The following MTR variants were observed in gnomAD, a reference collection of about 807,000 sequenced individuals.
MTR encodes 5-methyltetrahydrofolate-homocysteine methyltransferase, also known as methionine synthase.
In MTR, 84 loss-of-function variants were observed where a neutral mutation model predicts 154.8. The ratio of observed to expected loss-of-function variants is 0.54; its 90% CI spans 0.45 to 0.65. The LOEUF (loss-of-function observed/expected upper bound fraction) is 0.65, where lower values mean the gene tolerates loss of function less well. Ranked by LOEUF, MTR falls within the 30% of genes least tolerant of loss-of-function variation. The pLI, the probability that MTR is intolerant of heterozygous loss-of-function variation, is 0.00. For synonymous variants in MTR, 554 were observed against 553.9 expected (o/e 1.00, Z 0.00); for missense variants, 1,275 against 1,570.2 (o/e 0.81, Z 3.18).
intron 1 of MTR, among the ~76,000 whole-genome samples, chr1:236,796,355 G>A (rs762978331): frequency 6.6e-5 from 10 of 152,166 alleles, no homozygotes; most frequent in Non-Finnish European, 1.3e-4. Context: ...GTGAGAAAAA[G>A]CTAGTTTAGC....
At chr1:236,863,644 AGGGCAT>A in intron 22 of MTR, 90 bp downstream of exon 22, 2 of 1,131,534 alleles carry the variant, frequency 1.8e-6, no homozygotes, top group Non-Finnish European at 2.6e-6. Context: ...TGGGAAGAGT[AGGGCAT>A]GGCAGTGGAT....
At chr1:236,861,485 T>C (rs948918381) in intron 20 of MTR, among the ~76,000 whole-genome samples, 8 of 152,174 alleles carry the variant, frequency 5.3e-5, no homozygotes, top group African/African-American at 1.9e-4. Flanking sequence ...CGAAAATTCT[T>C]AGCATCATAA....
At position 236,900,590 on chromosome 1, in the gene MTR, G is replaced by T. The variant is rs1328988085; in HGVS notation, c.*2946G>T. 1 of 152,052 alleles carries T rather than the reference G, an allele frequency of 6.6e-6. No individual in the cohort carries two copies. Among genetic ancestry groups the T allele is most frequent in the East Asian group, 1.9e-4 (1 of 5,198 alleles). The allele number at this position is 152,052 out of a possible 1,614,324, so 9.4% of individuals were successfully genotyped here. ...AATACATTATACTTTATAACTAATA[G>T]ATAACAGTTTTTTACATATTAAATA... On this transcript the variant is annotated 3_prime_UTR_variant, in exon 33 of 33. Transcript: ENST00000366577.
rs1312876911 is a variant in MTR at position 236,863,501 on chromosome 1, G to A, written c.2352G>A (p.Val784=). 6.2e-7 allele frequency: 1 copy of A among 1,614,048 alleles called. No homozygotes were observed. The highest frequency in any genetic ancestry group is 1.1e-5 in the South Asian group (1 of 91,088). Reference sequence around the variant, plus strand: ...TGCTGGCCACTGTTAAAGGCGACGTGCACGACATAGGCAAGAACATAGTTG... The same window carrying A: ...TGCTGGCCACTGTTAAAGGCGACGTACACGACATAGGCAAGAACATAGTTG... ...TIVLATVKGD[V]HDIGKNIVGV... is the part of the protein sequence containing the mutation. The change falls in exon 22 of 33, where the codon GTG becomes GTA. Residue 784 remains valine (V), a synonymous_variant. Coordinates refer to ENST00000366577, the MANE Select transcript of MTR (RefSeq NM_000254.3).
At position 236,862,374 on chromosome 1, in the gene MTR, T is replaced by G. The variant is rs184887812; in HGVS notation, c.2304+31T>G. ...TCATTTTGTTCAGGCCTATGGGCCT[T>G]TAGTGGGTTGACCTGGAAGACTTGA... On this transcript the variant is annotated intron_variant, in intron 21 of 32. Transcript: ENST00000366577. The G allele has an allele frequency of 6.6e-4, 1,037 of 1,567,778 alleles. 12 individuals are homozygous for G. The African/African-American group carries it at 0.013, about 19-fold the overall frequency.
chr1:236,872,427 C>G (rs923447241), intron 22 of MTR, among the ~76,000 whole-genome samples: 3 of 152,170 alleles, frequency 2.0e-5, no homozygotes, highest in Non-Finnish European at 4.4e-5. Flanking sequence ...CCTGACAGCT[C>G]TTCGTGTGCA....
In MTR at chr1:236,861,117, T is replaced by G; in HGVS notation, c.2044-8T>G. The G allele has an allele frequency of 3.2e-6, 5 of 1,550,950 alleles. No individual in the cohort carries two copies. Among genetic ancestry groups the G allele is most frequent in the Non-Finnish European group, 4.3e-6 (5 of 1,153,454 alleles). On this transcript the variant is annotated splice_polypyrimidine_tract_variant and splice_region_variant and intron_variant, in intron 19 of 32. Transcript: ENST00000366577. ...TTTTTCTTTTTTTTTTTTTTTTGTC[T>G]TTTTTAGGGCATTGAAAAACATATT...
rs2792274 is a variant in MTR at position 236,867,856 on chromosome 1, T to C, written c.2405+4302T>C. On this transcript the variant is annotated intron_variant, in intron 22 of 32. Transcript: ENST00000366577. The stretch of plus-strand genomic sequence containing the variant: ...GGAATGAATTGCTACAATCTCGTAA[T>C]ACAACTTCAACAGATGAGGAATTGC... 3.8e-3 allele frequency among the ~76,000 whole-genome samples: 578 copies of C among 152,314 alleles called. 4 individuals are homozygous for C. Among genetic ancestry groups the C allele is most frequent in the Non-Finnish European group, 5.8e-3 (395 of 68,014 alleles).
At chr1:236,890,727 G>A (rs569151233) in intron 28 of MTR, among the ~76,000 whole-genome samples, 5 of 152,182 alleles carry the variant, frequency 3.3e-5, no homozygotes, top group African/African-American at 9.7e-5. Context: ...AAAGCACCAC[G>A]GAATACGAGG....
rs2275564 is a variant in MTR, at chr1:236,896,761, G to A, written c.3599-245G>A. Among the ~76,000 whole-genome samples, 6,365 of 152,204 alleles carry A rather than the reference G, an allele frequency of 0.042. 411 individuals are homozygous for A. The highest frequency in any genetic ancestry group is 0.2 in the East Asian group (1,054 of 5,158). On this transcript the variant is annotated intron_variant, in intron 31 of 32. Coordinates refer to ENST00000366577, the MANE Select transcript of MTR (RefSeq NM_000254.3). Reference sequence around the variant, plus strand: ...GGATGGCTGGAGGTGGGAGTGTAGAGTCTTTCCCAGGCCTGTCCCCCTGGG... The same window carrying A: ...GGATGGCTGGAGGTGGGAGTGTAGAATCTTTCCCAGGCCTGTCCCCCTGGG...
At position 236,879,092 on chromosome 1, in the gene MTR, A is replaced by G. The variant is rs1309974389; in HGVS notation, c.2595-1663A>G. ...TGAGAAGCCTGTTAAAAACACACTC[A>G]TGCATATATTACACCTATAACAGTC... On this transcript the variant is annotated intron_variant, in intron 24 of 32. Transcript: ENST00000366577. 3.3e-5 allele frequency among the ~76,000 whole-genome samples: 5 copies of G among 152,248 alleles called. No homozygotes were observed. In the East Asian group the frequency reaches 9.6e-4, roughly 29 times the overall value.
intron 25 of MTR, among the ~76,000 whole-genome samples, chr1:236,881,780 T>C (rs1665750494): frequency 6.6e-6 from 1 of 152,080 alleles, no homozygotes; most frequent in African/African-American, 2.4e-5. Context: ...ACTAACATTA[T>C]TGAAAATGTG....
intron 14 of MTR, among the ~76,000 whole-genome samples, chr1:236,836,124 G>A (rs1237230537): frequency 6.6e-6 from 1 of 152,206 alleles, no homozygotes; most frequent in East Asian, 1.9e-4. Context: ...AAGAGATTAT[G>A]TCAGCTTTTA....
At chr1:236,815,485 A>G in intron 6 of MTR, 119 bp from the exon 7 acceptor site, 1 of 956,220 alleles carries the variant, frequency 1.0e-6, no homozygotes, top group Non-Finnish European at 1.7e-6. Context: ...CTTCCCAGAG[A>G]GCTTGATGTA....
At chr1:236,810,662 A>G in intron 5 of MTR, 67 bp downstream of exon 5, 2 of 1,318,860 alleles carry the variant, frequency 1.5e-6, no homozygotes, top group East Asian at 2.3e-5. Context: ...TAAGCTATAA[A>G]TCTGTAAAAT....
rs774998091 is a variant in MTR at position 236,861,203 on chromosome 1, A to G, written c.2122A>G (p.Ile708Val). The stretch of plus-strand genomic sequence containing the variant: ...AAAATATCCCCGACCTCTCAATATA[A>G]TTGAAGGACCCCTGATGAATGGAAT... ...QKKYPRPLNI[I>V]EGPLMNGMKI... is the part of the protein sequence containing the mutation. The change falls in exon 20 of 33, where the codon ATT becomes GTT. Residue 708 changes from isoleucine to valine, a missense_variant. Transcript: ENST00000366577. 1.2e-6 allele frequency: 2 copies of G among 1,613,542 alleles called. No homozygotes were observed. The highest frequency in any genetic ancestry group is 8.5e-7 in the Non-Finnish European group (1 of 1,179,902).
Position 236,863,445 on chromosome 1 carries a change from C to T in MTR, c.2305-9C>T. ...CCTGCCTTGCTGAGCTGCTTGGCTT[C>T]CTTTCCAGGACCCTTACCAGGGCAC... On this transcript the variant is annotated splice_polypyrimidine_tract_variant and intron_variant, in intron 21 of 32. Coordinates refer to ENST00000366577, the MANE Select transcript of MTR (RefSeq NM_000254.3). 1.2e-6 allele frequency: 2 copies of T among 1,613,496 alleles called. No individual in the cohort carries two copies. The highest frequency in any genetic ancestry group is 4.5e-5 in the East Asian group (2 of 44,864).
chr1:236,821,948 G>T (rs776943538), intron 8 of MTR, among the ~76,000 whole-genome samples: 19 of 152,156 alleles, frequency 1.2e-4, no homozygotes, highest in Non-Finnish European at 1.8e-4. Context: ...ACATTGTCTT[G>T]ATTGCTTTAG....
intron 25 of MTR, 111 bp downstream of exon 25, chr1:236,880,947 C>CA (rs1441495358): frequency 2.7e-6 from 3 of 1,093,172 alleles, no homozygotes; most frequent in Non-Finnish European, 4.1e-6. Flanking sequence ...AAATAAAGGT[C>CA]AAAGAGCAGC....
Sources: gnomAD v4.1 joint callset for allele counts (sites outside exome capture counted in the v4.1 genomes callset) on GRCh38, gnomAD v4.1.1 for gene constraint, MANE v1.5 for transcripts, NCBI Gene and HGNC (gene_info 2026-07-23, HGNC 2026-07-21) for gene names.